The following SLC39A12 variants were observed in gnomAD, a reference collection of about 807,000 sequenced individuals.
SLC39A12 encodes solute carrier family 39 member 12.
Under a neutral mutation model 71.1 loss-of-function variants are expected in SLC39A12, and 63 were observed. The observed-to-expected ratio is 0.89, with a 90% CI of 0.72 to 1.09. The LOEUF (loss-of-function observed/expected upper bound fraction) is 1.09. SLC39A12 is among the 50% of genes least tolerant of loss of function. The probability of loss-of-function intolerance (pLI) is 0.00; values close to 1 mark genes in which losing one functional copy is unlikely to be tolerated. For synonymous variants in SLC39A12, 351 were observed against 301.3 expected, an observed-to-expected ratio of 1.16 and a Z score of -1.71; for missense variants, 892 against 812.6, an observed-to-expected ratio of 1.10 and a Z score of -1.19.
intron 12 of SLC39A12, among the ~76,000 whole-genome samples, chr10:18,022,605 A>G (rs560402998): frequency 2.8e-3 from 424 of 152,246 alleles, no homozygotes; most frequent in African/African-American, 9.8e-3. Context: ...CTTTGTTGCT[A>G]TCCAGATTCT....
intron 6 of SLC39A12, among the ~76,000 whole-genome samples, chr10:17,981,926 G>T (rs1835270404): frequency 6.6e-6 from 1 of 152,218 alleles, no homozygotes; most frequent in African/African-American, 2.4e-5. Context: ...GCATTGGAAT[G>T]TGGAATGCAG....
intron 4 of SLC39A12, among the ~76,000 whole-genome samples, chr10:17,973,942 GAC>G (rs201461387): frequency 0.014 from 2,055 of 150,966 alleles, 41 homozygotes; most frequent in African/African-American, 0.043. Flanking sequence ...TTTTCAAATA[GAC>G]CCTGTCTTGC....
At chr10:17,968,134 T>C (rs1589223121) in intron 4 of SLC39A12, among the ~76,000 whole-genome samples, 1 of 68,334 alleles carries the variant, frequency 1.5e-5, no homozygotes. Context: ...TTCATGATTA[T>C]TTTTGTATGA....
chr10:17,967,606 G>T (rs1052532497), intron 4 of SLC39A12, among the ~76,000 whole-genome samples: 1 of 151,968 alleles, frequency 6.6e-6, no homozygotes, highest in East Asian at 1.9e-4. Flanking sequence ...TTCCCAGGCC[G>T]GGCGCGGTGG....
intron 12 of SLC39A12, among the ~76,000 whole-genome samples, chr10:18,024,959 C>A (rs531135918): frequency 3.9e-5 from 6 of 152,066 alleles, no homozygotes; most frequent in Non-Finnish European, 7.4e-5. Context: ...CCTTTACTTA[C>A]AATCTATATT....
chr10:17,996,130 C>T (rs1233834862), intron 10 of SLC39A12, among the ~76,000 whole-genome samples: 2 of 152,130 alleles, frequency 1.3e-5, no homozygotes, highest in Admixed American at 6.5e-5. Context: ...ATCACAAATG[C>T]GTCTTATTTA....
intron 5 of SLC39A12, among the ~76,000 whole-genome samples, chr10:17,979,040 A>G (rs572488802): frequency 6.6e-6 from 1 of 152,348 alleles, no homozygotes; most frequent in South Asian, 2.1e-4. Flanking sequence ...TAAAGATTAG[A>G]AACCACTGCT....
At chr10:18,004,126 A>G (rs144275250) in intron 12 of SLC39A12, among the ~76,000 whole-genome samples, 1,594 of 152,330 alleles carry the variant, frequency 0.01, 34 homozygotes, top group African/African-American at 0.037. Context: ...TCTCCTTAAG[A>G]TAAAAGTCTT....
intron 12 of SLC39A12, among the ~76,000 whole-genome samples, chr10:18,040,084 C>G (rs185325328): frequency 1.3e-5 from 2 of 152,090 alleles, no homozygotes; most frequent in South Asian, 2.1e-4. Context: ...AAAACATATA[C>G]GTAATATATA....
chr10:18,025,968 A>G (rs1173414296), intron 12 of SLC39A12, among the ~76,000 whole-genome samples: 1 of 152,224 alleles, frequency 6.6e-6, no homozygotes, highest in Non-Finnish European at 1.5e-5. Flanking sequence ...AATACCTTGT[A>G]TAAAATATTT....
intron 12 of SLC39A12, among the ~76,000 whole-genome samples, chr10:18,023,727 G>A (rs936354267): frequency 6.6e-6 from 1 of 152,172 alleles, no homozygotes; most frequent in African/African-American, 2.4e-5. Flanking sequence ...CCAGCCCAAG[G>A]GTAGCAAGGG....
At chr10:18,040,012 GT>G (rs1397494513) in intron 12 of SLC39A12, among the ~76,000 whole-genome samples, 1 of 152,154 alleles carries the variant, frequency 6.6e-6, no homozygotes, top group Non-Finnish European at 1.5e-5. Flanking sequence ...TAAATCCATT[GT>G]TAACTATATG....
chr10:18,011,560 T>C (rs755291040), intron 12 of SLC39A12, among the ~76,000 whole-genome samples: 2 of 152,230 alleles, frequency 1.3e-5, no homozygotes, highest in Admixed American at 1.3e-4. Flanking sequence ...AAGTTATACA[T>C]GAATTTTCAA....
intron 12 of SLC39A12, among the ~76,000 whole-genome samples, chr10:18,007,564 A>T (rs1333357567): frequency 1.3e-5 from 2 of 152,166 alleles, no homozygotes; most frequent in Admixed American, 1.3e-4. Flanking sequence ...AAGTAAAAGG[A>T]TAAAAGAATG....
intron 5 of SLC39A12, 33 bp from the exon 6 acceptor site, chr10:17,981,279 G>T: frequency 6.4e-7 from 1 of 1,558,908 alleles, no homozygotes; most frequent in Non-Finnish European, 8.7e-7. Context: ...AATATGCTGA[G>T]ATTAGTAACA....
chr10:17,980,742 A>G (rs183105771), intron 5 of SLC39A12, among the ~76,000 whole-genome samples: 1 of 152,306 alleles, frequency 6.6e-6, no homozygotes, highest in African/African-American at 2.4e-5. Context: ...CTCTGTGGAG[A>G]AGGGTTATGC....
intron 12 of SLC39A12, among the ~76,000 whole-genome samples, chr10:18,036,773 TATATATATATA>T (rs1837046981): frequency 2.9e-4 from 7 of 24,144 alleles, no homozygotes; most frequent in South Asian, 1.1e-3. Flanking sequence ...TATATATATA[TATATATATATA>T]TATATATATA....
At chr10:18,026,219 T>G (rs1332774841) in intron 12 of SLC39A12, among the ~76,000 whole-genome samples, 1 of 152,206 alleles carries the variant, frequency 6.6e-6, no homozygotes, top group Non-Finnish European at 1.5e-5. Flanking sequence ...ATTTTTAACA[T>G]TTCTCAGAAG....
At chr10:18,011,002 G>C (rs984675258) in intron 12 of SLC39A12, among the ~76,000 whole-genome samples, 1 of 151,712 alleles carries the variant, frequency 6.6e-6, no homozygotes. Flanking sequence ...TTTTCATTTC[G>C]TTTCTCTTTT....
Sources: gnomAD v4.1 joint callset for allele counts (sites outside exome capture counted in the v4.1 genomes callset) on GRCh38, gnomAD v4.1.1 for gene constraint, MANE v1.5 for transcripts, NCBI Gene and HGNC (gene_info 2026-07-23, HGNC 2026-07-21) for gene names.